The following SYNE2 variants were observed in gnomAD, a reference collection of about 807,000 sequenced individuals.
The protein encoded by SYNE2 is nesprin-2.
SYNE2 carries 431 observed loss-of-function variants against 856.3 expected under a neutral mutation model. The ratio of observed to expected loss-of-function variants is 0.50; its 90% CI spans 0.47 to 0.55. The LOEUF (loss-of-function observed/expected upper bound fraction) is 0.55. Among genes scored for constraint, SYNE2 ranks in the 20% least tolerant of loss-of-function variants. The pLI is 0.00. For synonymous variants in SYNE2, 2,923 were observed against 2,872.3 expected (o/e 1.02, Z -0.56); for missense variants, 8,129 against 8,023.2 (o/e 1.01, Z -0.50).
intron 2 of SYNE2, among the ~76,000 whole-genome samples, chr14:63,922,559 G>A (rs1359353762): frequency 6.6e-6 from 1 of 152,152 alleles, no homozygotes; most frequent in East Asian, 1.9e-4. Context: ...TCCTAGCACT[G>A]TGGGAGGATA....
At chr14:64,164,248 T>C (rs1045147194) in intron 89 of SYNE2, among the ~76,000 whole-genome samples, 1 of 152,104 alleles carries the variant, frequency 6.6e-6, no homozygotes, top group Non-Finnish European at 1.5e-5. Flanking sequence ...TAGCTGGGAC[T>C]ACAGGTGCCT....
intron 107 of SYNE2, chr14:64,215,944 G>C: frequency 4.5e-6 from 6 of 1,327,868 alleles, no homozygotes; most frequent in Non-Finnish European, 5.8e-6. Context: ...TGCCATCTTG[G>C]TCCCCAGACC....
intron 1 of SYNE2, among the ~76,000 whole-genome samples, chr14:63,898,315 C>A (rs1230422264): frequency 1.3e-5 from 2 of 152,196 alleles, no homozygotes; most frequent in East Asian, 3.8e-4. Context: ...CTTCTGTATT[C>A]AATGCCCAGT....
intron 1 of SYNE2, among the ~76,000 whole-genome samples, chr14:63,838,372 A>T (rs1889932953): frequency 6.6e-6 from 1 of 152,208 alleles, no homozygotes; most frequent in South Asian, 2.1e-4. Context: ...TTTGATTGTG[A>T]AGCTGGTAGC....
chr14:63,959,654 C>T (rs373792589), intron 8 of SYNE2, among the ~76,000 whole-genome samples: 2 of 152,072 alleles, frequency 1.3e-5, no homozygotes, highest in Non-Finnish European at 2.9e-5. Context: ...TTGGTTGTTA[C>T]TAATTCTTGT....
intron 60 of SYNE2, 114 bp from the exon 61 acceptor site, chr14:64,093,235 G>A (rs2097645008): frequency 8.5e-7 from 1 of 1,174,048 alleles, no homozygotes; most frequent in African/African-American, 1.5e-5. Context: ...AAATCTCAAT[G>A]GGTGCATATT....
intron 6 of SYNE2, among the ~76,000 whole-genome samples, chr14:63,943,882 G>C (rs1415688890): frequency 6.6e-6 from 1 of 151,650 alleles, no homozygotes; most frequent in Non-Finnish European, 1.5e-5. Context: ...TGTTGCTCAG[G>C]CTGGTATTGA....
intron 2 of SYNE2, among the ~76,000 whole-genome samples, chr14:63,911,571 G>A (rs191470613): frequency 6.6e-6 from 1 of 152,306 alleles, no homozygotes; most frequent in Admixed American, 6.5e-5. Context: ...AGCTCAGAAA[G>A]AATGAATTAC....
intron 103 of SYNE2, among the ~76,000 whole-genome samples, chr14:64,211,462 T>C (rs2098640650): frequency 6.6e-6 from 1 of 152,136 alleles, no homozygotes; most frequent in South Asian, 2.1e-4. Flanking sequence ...CAGAATTCTA[T>C]CAGTGAAGGC....
At chr14:63,956,442 T>G (rs1382336081) in intron 8 of SYNE2, 3 of 456,530 alleles carry the variant, frequency 6.6e-6, no homozygotes, top group South Asian at 1.5e-5. Flanking sequence ...TACAAAAACT[T>G]CTGAACATTT....
chr14:64,108,160 C>T (rs2153651191), intron 65 of SYNE2, among the ~76,000 whole-genome samples: 1 of 152,158 alleles, frequency 6.6e-6, no homozygotes, highest in South Asian at 2.1e-4. Flanking sequence ...ACCAGCCTGA[C>T]CAACAGGCTG....
chr14:63,984,015 G>A, intron 18 of SYNE2, 129 bp downstream of exon 18: 1 of 664,124 alleles, frequency 1.5e-6, no homozygotes, highest in Non-Finnish European at 2.5e-6. Context: ...GACAAAACAG[G>A]TGGATGGCTT....
rs962291828 is a variant in SYNE2 at position 64,179,137 on chromosome 14, A to AT, written c.17556+1663dup. Among the ~76,000 whole-genome samples, 23 of 151,690 alleles carry AT rather than the reference A, an allele frequency of 1.5e-4. No individual in the cohort carries two copies. The South Asian group carries it at 2.3e-3, about 15-fold the overall frequency. On this transcript the variant is annotated intron_variant, in intron 96 of 115. Transcript: ENST00000555002. ...TATAAGCAGTACTATATATAATGTA[A>AT]TTTTTTTTTCTTTTTTTAAGACAGA... is the stretch of plus-strand genomic sequence containing the variant.
At chr14:64,067,861 T>C (rs1386790428) in intron 51 of SYNE2, among the ~76,000 whole-genome samples, 9 of 152,158 alleles carry the variant, frequency 5.9e-5, no homozygotes, top group South Asian at 4.1e-4. Flanking sequence ...TCAAAGATAA[T>C]TGGAGATGTG....
At chr14:63,783,512 G>A (rs889713855) in intron 1 of SYNE2, among the ~76,000 whole-genome samples, 5 of 152,036 alleles carry the variant, frequency 3.3e-5, no homozygotes, top group East Asian at 3.9e-4. Flanking sequence ...TGAGTAGCTG[G>A]GACTACAGGC....
At chr14:64,100,244 A>G (rs1358449874) in intron 63 of SYNE2, 1 of 151,606 alleles carries the variant, frequency 6.6e-6, no homozygotes, top group Non-Finnish European at 1.5e-5. Flanking sequence ...AAAACCAAAC[A>G]CCGCATATTC....
intron 32 of SYNE2, 21 bp from the exon 33 acceptor site, chr14:64,016,452 A>C: frequency 6.7e-7 from 1 of 1,492,762 alleles, no homozygotes. Context: ...ATCAGAAATA[A>C]CTTTCATATC....
At chr14:64,009,851 T>C (rs1160787869) in intron 31 of SYNE2, 115 bp from the exon 32 acceptor site, 1 of 896,440 alleles carries the variant, frequency 1.1e-6, no homozygotes, top group Non-Finnish European at 1.7e-6. Flanking sequence ...AAGAACCACA[T>C]CAAGAGGAAA....
intron 11 of SYNE2, among the ~76,000 whole-genome samples, chr14:63,974,890 G>GTATATATATATATATATATA (rs1281921502): frequency 4.5e-3 from 123 of 27,438 alleles, no homozygotes; most frequent in Non-Finnish European, 6.5e-3. Context: ...GTGTGTGTGT[G>GTATATATATATATATATATA]TGTATATATA....
Sources: allele counts gnomAD v4.1 joint callset (sites outside exome capture counted in the v4.1 genomes callset), GRCh38; gene constraint gnomAD v4.1.1; transcripts MANE v1.5; gene names NCBI Gene and HGNC (gene_info 2026-07-23, HGNC 2026-07-21).